The following NRG3 variants were observed in gnomAD, a reference collection of about 807,000 sequenced individuals.
NRG3 encodes the protein pro-neuregulin-3, membrane-bound isoform.
NRG3 carries 31 observed loss-of-function variants against 66.9 expected under a neutral mutation model. That is an observed-to-expected ratio of 0.46 (90% CI 0.35 to 0.63). The LOEUF (loss-of-function observed/expected upper bound fraction) is 0.63, where lower values mean the gene tolerates loss of function less well. Among genes scored for constraint, NRG3 ranks in the 20% least tolerant of loss-of-function variants. NRG3 has a pLI of 0.00. For synonymous variants in NRG3, 393 were observed against 359.4 expected (o/e 1.09, Z -1.06); for missense variants, 910 against 878.9 (o/e 1.04, Z -0.45).
At chr10:82,791,920 C>T (rs930138674) in intron 3 of NRG3, among the ~76,000 whole-genome samples, 5 of 152,134 alleles carry the variant, frequency 3.3e-5, no homozygotes, top group African/African-American at 1.2e-4. Flanking sequence ...CCAAACTCTA[C>T]CTCTTCCAGT....
intron 1 of NRG3, among the ~76,000 whole-genome samples, chr10:82,132,199 G>C (rs1343960941): frequency 6.6e-6 from 1 of 151,624 alleles, no homozygotes; most frequent in Non-Finnish European, 1.5e-5. Flanking sequence ...ATTGTGTTGA[G>C]ATATGTTTCT....
At chr10:81,932,699 T>C (rs952085708) in intron 1 of NRG3, among the ~76,000 whole-genome samples, 1 of 152,208 alleles carries the variant, frequency 6.6e-6, no homozygotes, top group Admixed American at 6.5e-5. Context: ...GAAAATATTA[T>C]AGATCACATA....
chr10:82,296,398 C>G (rs2080064034), intron 1 of NRG3, among the ~76,000 whole-genome samples: 1 of 152,058 alleles, frequency 6.6e-6, no homozygotes, highest in Admixed American at 6.6e-5. Flanking sequence ...TGCAGGTGGA[C>G]AAGGCAGCCA....
intron 1 of NRG3, among the ~76,000 whole-genome samples, chr10:81,967,295 T>C (rs7096181): frequency 0.035 from 5,373 of 151,944 alleles, 323 homozygotes; most frequent in African/African-American, 0.12. Context: ...AGATTTATCT[T>C]AACATTTTTC....
intron 2 of NRG3, among the ~76,000 whole-genome samples, chr10:82,696,683 G>A (rs2055409590): frequency 6.6e-6 from 1 of 152,046 alleles, no homozygotes; most frequent in Admixed American, 6.6e-5. Context: ...GGAACTCTTG[G>A]TCAAATGGAA....
intron 1 of NRG3, among the ~76,000 whole-genome samples, chr10:82,296,342 G>A (rs926650127): frequency 6.6e-6 from 1 of 152,130 alleles, no homozygotes; most frequent in African/African-American, 2.4e-5. Context: ...TTTTGTATCT[G>A]ACAAACCATC....
chr10:82,778,030 T>C (rs1591492553), intron 3 of NRG3, among the ~76,000 whole-genome samples: 2 of 150,916 alleles, frequency 1.3e-5, no homozygotes, highest in South Asian at 4.2e-4. Flanking sequence ...CAAGGCTCTT[T>C]TTCCCTGGGG....
At chr10:82,299,657 G>T (rs2080280016) in intron 1 of NRG3, among the ~76,000 whole-genome samples, 1 of 151,696 alleles carries the variant, frequency 6.6e-6, no homozygotes. Flanking sequence ...CTGCTATCCT[G>T]TTACAATATC....
At chr10:82,629,401 A>G (rs944723568) in intron 2 of NRG3, among the ~76,000 whole-genome samples, 1 of 152,236 alleles carries the variant, frequency 6.6e-6, no homozygotes, top group Non-Finnish European at 1.5e-5. Context: ...TCTTCTGGAA[A>G]CAATTTCTTA....
chr10:82,359,822 A>G (rs957247867), intron 2 of NRG3, among the ~76,000 whole-genome samples: 2 of 152,032 alleles, frequency 1.3e-5, no homozygotes, highest in African/African-American at 4.8e-5. Context: ...CTATTATAAA[A>G]CTCTATTCCC....
At chr10:82,231,725 G>A (rs1409490077) in intron 1 of NRG3, among the ~76,000 whole-genome samples, 1 of 152,124 alleles carries the variant, frequency 6.6e-6, no homozygotes, top group Non-Finnish European at 1.5e-5. Flanking sequence ...ACATAATTCA[G>A]TGTGTGAAAA....
intron 2 of NRG3, among the ~76,000 whole-genome samples, chr10:82,413,869 C>T (rs111517944): frequency 1.4e-3 from 220 of 152,282 alleles, no homozygotes; most frequent in African/African-American, 4.9e-3. Flanking sequence ...TCACCTCTCT[C>T]GGCCTTCATA....
chr10:81,960,892 C>T (rs1036535551), intron 1 of NRG3, among the ~76,000 whole-genome samples: 1 of 152,036 alleles, frequency 6.6e-6, no homozygotes, highest in African/African-American at 2.4e-5. Flanking sequence ...TGATAAAGAC[C>T]CCTCATCCAC....
chr10:82,699,859 G>C (rs765338604), intron 2 of NRG3, among the ~76,000 whole-genome samples: 44 of 71,738 alleles, frequency 6.1e-4, no homozygotes, highest in Non-Finnish European at 8.4e-4. Flanking sequence ...TGGATGATCT[G>C]TGTGTGTGTG....
intron 1 of NRG3, among the ~76,000 whole-genome samples, chr10:81,934,906 A>G (rs999957461): frequency 1.1e-4 from 17 of 152,154 alleles, no homozygotes; most frequent in Admixed American, 2.6e-4. Flanking sequence ...TGCTATTCCT[A>G]TCTCCCCAGG....
intron 2 of NRG3, among the ~76,000 whole-genome samples, chr10:82,607,390 T>A (rs1281184345): frequency 2.3e-5 from 3 of 128,520 alleles, no homozygotes; most frequent in African/African-American, 7.8e-5. Flanking sequence ...GATTGGAAAT[T>A]AATATAGCTG....
chr10:82,212,384 A>G (rs1040723230), intron 1 of NRG3, among the ~76,000 whole-genome samples: 3 of 152,212 alleles, frequency 2.0e-5, no homozygotes, highest in Non-Finnish European at 4.4e-5. Flanking sequence ...AGTTTCTCTC[A>G]TCATGATTCC....
chr10:82,312,904 C>A (rs143256962), intron 1 of NRG3, among the ~76,000 whole-genome samples: 4 of 152,118 alleles, frequency 2.6e-5, no homozygotes, highest in African/African-American at 9.6e-5. Context: ...TGGCTGTCAA[C>A]GGTGGCTCAT....
chr10:82,285,940 A>G (rs984054225), intron 1 of NRG3, among the ~76,000 whole-genome samples: 2 of 152,212 alleles, frequency 1.3e-5, no homozygotes, highest in African/African-American at 4.8e-5. Flanking sequence ...TATTAAGAAT[A>G]TCCTTGAGGT....
Sources: gnomAD v4.1 joint callset for allele counts (sites outside exome capture counted in the v4.1 genomes callset) on GRCh38, gnomAD v4.1.1 for gene constraint, MANE v1.5 for transcripts, NCBI Gene and HGNC (gene_info 2026-07-23, HGNC 2026-07-21) for gene names.